EPM2A: variants seen among roughly 807,000 people sequenced by gnomAD.
The protein encoded by EPM2A is EPM2A glucan phosphatase, laforin.
Under a neutral mutation model 26.5 loss-of-function variants are expected in EPM2A, and 21 were observed. That is an observed-to-expected ratio of 0.79 (90% CI 0.56 to 1.14). The LOEUF is 1.14. Ranked by LOEUF, EPM2A falls within the 50% of genes most tolerant of loss-of-function variation. The pLI, the probability that EPM2A is intolerant of heterozygous loss-of-function variation, is 0.00. For missense variants in EPM2A, 458 were observed against 440.8 expected, an observed-to-expected ratio of 1.04 and a Z score of -0.35; for synonymous variants, 217 against 177.6, an observed-to-expected ratio of 1.22 and a Z score of -1.76.
intron 4 of EPM2A, among the ~76,000 whole-genome samples, chr6:145,442,598 C>G (rs746358752): frequency 1.4e-4 from 21 of 152,266 alleles, no homozygotes; most frequent in Non-Finnish European, 3.1e-4. Flanking sequence ...TGGGTCCTTC[C>G]ACAGCTCAAG....
intron 2 of EPM2A, among the ~76,000 whole-genome samples, chr6:145,554,917 T>A (rs1780707058): frequency 1.3e-5 from 2 of 152,070 alleles, no homozygotes. Context: ...AAGGCAGAAT[T>A]TCTTCTTCAT....
chr6:145,496,994 G>A (rs754312035), downstream of EPM2A, among the ~76,000 whole-genome samples: 16 of 152,262 alleles, frequency 1.1e-4, no homozygotes, highest in African/African-American at 1.9e-4. Flanking sequence ...CCTGCATTGA[G>A]TTAGAATGTG....
At chr6:145,573,020 C>A (rs1409719993) in intron 2 of EPM2A, among the ~76,000 whole-genome samples, 16 of 152,244 alleles carry the variant, frequency 1.1e-4, no homozygotes, top group African/African-American at 3.9e-4. Flanking sequence ...CCCCACACCA[C>A]TGGACTTCTA....
intron 4 of EPM2A, among the ~76,000 whole-genome samples, chr6:145,405,960 C>T (rs915280122): frequency 6.8e-6 from 1 of 147,564 alleles, no homozygotes; most frequent in African/African-American, 2.5e-5. Flanking sequence ...CTTAGAAGAA[C>T]TATTTAATCA....
chr6:145,549,973 T>C lies in EPM2A; in HGVS notation c.341-47398A>G, dbSNP rs113700297. Among the ~76,000 whole-genome samples, 797 of 152,218 alleles carry C rather than the reference T, an allele frequency of 5.2e-3. 8 individuals are homozygous for C. The highest frequency in any genetic ancestry group is 0.018 in the African/African-American group (760 of 41,550). Reference sequence around the variant, plus strand: ...GGGGTAGGAATGACTCAAGGAGTCTTCTAACTTGAATTAATGTGAATCCCC... The same window carrying C: ...GGGGTAGGAATGACTCAAGGAGTCTCCTAACTTGAATTAATGTGAATCCCC... On this transcript the variant is annotated intron_variant, in intron 2 of 3. Coordinates refer to the EPM2A transcript ENST00000450221.
At chr6:145,498,377 C>T (rs1302394808), downstream of EPM2A, among the ~76,000 whole-genome samples, 1 of 152,212 alleles carries the variant, frequency 6.6e-6, no homozygotes, top group Non-Finnish European at 1.5e-5. Flanking sequence ...CACCTGCCTT[C>T]CCTGAGTTGC....
intron 2 of EPM2A, among the ~76,000 whole-genome samples, chr6:145,562,363 G>GA (rs1177041663): frequency 6.6e-5 from 10 of 150,644 alleles, no homozygotes; most frequent in East Asian, 3.9e-4. Flanking sequence ...CACCAAAAAA[G>GA]AAAAAAAAAG....
chr6:145,659,048 T>G (rs1778495585), intron 2 of EPM2A, among the ~76,000 whole-genome samples: 1 of 152,182 alleles, frequency 6.6e-6, no homozygotes, highest in African/African-American at 2.4e-5. Context: ...CCACTTGACT[T>G]ACAAACTAAA....
At chr6:145,672,320 C>G (rs948007128) in intron 2 of EPM2A, among the ~76,000 whole-genome samples, 1 of 152,118 alleles carries the variant, frequency 6.6e-6, no homozygotes, top group Non-Finnish European at 1.5e-5. Context: ...AAAACACACG[C>G]CCCTAAGGTC....
intron 1 of EPM2A, among the ~76,000 whole-genome samples, chr6:145,719,416 G>C (rs944332264): frequency 1.4e-5 from 2 of 145,692 alleles, no homozygotes; most frequent in African/African-American, 2.5e-5. Flanking sequence ...GGTGGAAATT[G>C]AACAATGAGA....
At chr6:145,732,965 GC>G (rs1227672712) in intron 1 of EPM2A, among the ~76,000 whole-genome samples, 2 of 152,152 alleles carry the variant, frequency 1.3e-5, no homozygotes, top group Non-Finnish European at 2.9e-5. Flanking sequence ...TGGTTGGTGA[GC>G]CCAGGCAATC....
intron 2 of EPM2A, among the ~76,000 whole-genome samples, chr6:145,582,082 A>G (rs543779320): frequency 6.6e-6 from 1 of 152,166 alleles, no homozygotes; most frequent in African/African-American, 2.4e-5. Context: ...GTTTGGTGCT[A>G]TAAACTTTCC....
intron 4 of EPM2A, among the ~76,000 whole-genome samples, chr6:145,455,578 G>A (rs1312252717): frequency 1.3e-5 from 2 of 152,068 alleles, no homozygotes; most frequent in Non-Finnish European, 2.9e-5. Flanking sequence ...GGCTGGTCTC[G>A]AACTCCTGAC....
intron 2 of EPM2A, among the ~76,000 whole-genome samples, chr6:145,673,234 A>G (rs1779778519): frequency 6.6e-6 from 1 of 152,264 alleles, no homozygotes; most frequent in Non-Finnish European, 1.5e-5. Context: ...TCAAAAATAA[A>G]TAATAGCAGA....
intron 2 of EPM2A, among the ~76,000 whole-genome samples, chr6:145,509,269 T>C (rs1468746875): frequency 6.6e-6 from 1 of 151,916 alleles, no homozygotes; most frequent in East Asian, 1.9e-4. Context: ...AAGATGAACA[T>C]CACCAAGGTA....
chr6:145,452,386 T>G (rs531133295), intron 4 of EPM2A, among the ~76,000 whole-genome samples: 2 of 150,478 alleles, frequency 1.3e-5, no homozygotes, highest in Non-Finnish European at 2.9e-5. Context: ...ATGTTGTTTC[T>G]CTATCAGTAG....
At chr6:145,436,623 G>T (rs1778992909) in intron 4 of EPM2A, among the ~76,000 whole-genome samples, 2 of 151,896 alleles carry the variant, frequency 1.3e-5, no homozygotes, top group African/African-American at 2.4e-5. Flanking sequence ...GTGTTTATTG[G>T]CTGTTGGTAT....
At chr6:145,543,783 C>T (rs776205730) in intron 2 of EPM2A, among the ~76,000 whole-genome samples, 1 of 152,088 alleles carries the variant, frequency 6.6e-6, no homozygotes, top group Non-Finnish European at 1.5e-5. Flanking sequence ...CATGTCCTTT[C>T]TCTCCACTGG....
At chr6:145,505,596 C>G (rs928448339) in intron 2 of EPM2A, among the ~76,000 whole-genome samples, 2 of 152,036 alleles carry the variant, frequency 1.3e-5, no homozygotes, top group Non-Finnish European at 2.9e-5. Context: ...GTCCCAGTAA[C>G]TTCCTGTAAA....
Sources: allele counts gnomAD v4.1 joint callset (sites outside exome capture counted in the v4.1 genomes callset), GRCh38; gene constraint gnomAD v4.1.1; transcripts MANE v1.5; gene names NCBI Gene and HGNC (gene_info 2026-07-23, HGNC 2026-07-21).